ALDH8A1: variants seen among roughly 807,000 people sequenced by gnomAD.
The protein encoded by ALDH8A1 is 2-aminomuconic semialdehyde dehydrogenase.
A neutral mutation model predicts 43.3 loss-of-function variants in ALDH8A1; 39 were observed. The observed-to-expected ratio is 0.90, with a 90% CI of 0.70 to 1.18. The LOEUF (loss-of-function observed/expected upper bound fraction) is 1.18. Ranked by LOEUF, ALDH8A1 falls within the 50% of genes most tolerant of loss-of-function variation. The probability of loss-of-function intolerance (pLI) is 0.00; values close to 1 mark genes in which losing one functional copy is unlikely to be tolerated. For synonymous variants in ALDH8A1, 233 were observed against 243.5 expected (o/e 0.96, Z 0.40); for missense variants, 605 against 622.6 (o/e 0.97, Z 0.30).
Position 134,918,473 on chromosome 6 carries a change from C to A in ALDH8A1, c.1406G>T (p.Gly469Val). The A allele has an allele frequency of 6.2e-7, 1 of 1,614,176 alleles. No individual in the cohort carries two copies. Among genetic ancestry groups the A allele is most frequent in the South Asian group, 1.1e-5 (1 of 91,074 alleles). ...GAAGAAGTCGTAAGAGTCCTTGGCT[C>A]CCTCTCTACCTATTCCAGAACTCTT... ...GMKSSGIGREGAKDSYDFFTE... is the reference protein window; with the variant it reads ...GMKSSGIGREVAKDSYDFFTE... The change falls in exon 7 of 7, where the codon GGA becomes GTA. Residue 469 changes from glycine to valine, a missense_variant. Physicochemically the swap from Gly to Val is moderately radical, Grantham distance 109 (BLOSUM62 -3). Transcript: ENST00000265605.
At chr6:134,918,920 A>G in intron 6 of ALDH8A1, 53 bp from the exon 7 acceptor site, 2 of 1,552,434 alleles carry the variant, frequency 1.3e-6, no homozygotes, top group Non-Finnish European at 1.8e-6. Flanking sequence ...GCTTCACACA[A>G]ATCAGCAGAA....
intron 4 of ALDH8A1, among the ~76,000 whole-genome samples, chr6:134,935,729 C>T (rs1349917402): frequency 2.0e-5 from 3 of 152,148 alleles, no homozygotes; most frequent in African/African-American, 7.2e-5. Context: ...AAACATACTC[C>T]TTTGGATACA....
At chr6:134,923,032 T>C (rs1042450587) in intron 6 of ALDH8A1, among the ~76,000 whole-genome samples, 5 of 152,138 alleles carry the variant, frequency 3.3e-5, no homozygotes, top group Non-Finnish European at 7.3e-5. Context: ...AGTAGAAGGA[T>C]TATTTTATTT....
Position 134,918,235 on chromosome 6 carries a change from A to G in ALDH8A1, c.*180T>C. ...AGTCTTTTTTTCCGAGTCCACATTG[A>G]AAATAGACAGTATCTCTTCACTAGT... On this transcript the variant is annotated 3_prime_UTR_variant, in exon 7 of 7. Transcript: ENST00000265605. The G allele has an allele frequency of 1.6e-6, 1 of 617,024 alleles. No individual in the cohort carries two copies. The highest frequency in any genetic ancestry group is 2.8e-6 in the Non-Finnish European group (1 of 357,886). The allele number at this position is 617,024 out of a possible 1,614,324, so 38.2% of individuals were successfully genotyped here. A position where few individuals can be genotyped will look rare whatever the true frequency, so the allele number is the denominator to read the frequency against.
chr6:134,939,168 T>A (rs776682711), intron 4 of ALDH8A1, 98 bp downstream of exon 4: 6 of 1,521,624 alleles, frequency 3.9e-6, no homozygotes, highest in Non-Finnish European at 5.4e-6. Flanking sequence ...AAGCCCATGA[T>A]GTCACTGGAA....
chr6:134,941,568 T>C (rs947190108), intron 3 of ALDH8A1: 1 of 152,252 alleles, frequency 6.6e-6, no homozygotes, highest in Non-Finnish European at 1.5e-5. Context: ...TTTTGTATTT[T>C]TAGTAGAGAT....
intron 4 of ALDH8A1, among the ~76,000 whole-genome samples, chr6:134,935,485 C>G (rs977572056): frequency 6.6e-6 from 1 of 152,196 alleles, no homozygotes; most frequent in East Asian, 1.9e-4. Flanking sequence ...AATGGGGAAG[C>G]TTTAAAAAGA....
rs767279629 is a variant in ALDH8A1 at position 134,918,777 on chromosome 6, G to T, written c.1102C>A (p.Gln368Lys). ...GTGGGAAGCATAAAGTAGCCTGCCT[G>T]GTTCCTGGCAGGGAGGCTCAACTTA... ...VDKLSLPARN[Q>K]AGYFMLPTVI... The change falls in exon 7 of 7, where the codon CAG (glutamine) becomes AAG (lysine). Residue 368 changes from glutamine (Q) to lysine (K), a missense_variant. By Grantham distance (53) the Gln-to-Lys change is moderately conservative (BLOSUM62 1). Transcript: ENST00000265605. 1.7e-5 allele frequency: 28 copies of T among 1,614,064 alleles called. No individual in the cohort carries two copies. The highest frequency in any genetic ancestry group is 2.0e-5 in the Non-Finnish European group (24 of 1,180,048).
At chr6:134,936,357 C>A (rs548483470) in intron 4 of ALDH8A1, among the ~76,000 whole-genome samples, 1 of 152,196 alleles carries the variant, frequency 6.6e-6, no homozygotes, top group Non-Finnish European at 1.5e-5. Flanking sequence ...GAGTGGCTGG[C>A]ACCATGTGAG....
At chr6:134,932,728 G>A (rs370897781) in intron 5 of ALDH8A1, 48 bp downstream of exon 5, 6 of 1,594,126 alleles carry the variant, frequency 3.8e-6, no homozygotes, top group African/African-American at 1.3e-5. Flanking sequence ...AACAGATCCA[G>A]CTTGACAGGG....
intron 6 of ALDH8A1, among the ~76,000 whole-genome samples, chr6:134,919,583 TTA>T (rs1002815881): frequency 9.2e-5 from 14 of 152,140 alleles, no homozygotes; most frequent in African/African-American, 3.4e-4. Flanking sequence ...CTCATAATAA[TTA>T]TATATATATA....
chr6:134,940,947 T>C (rs2114703986), intron 3 of ALDH8A1, among the ~76,000 whole-genome samples: 1 of 152,242 alleles, frequency 6.6e-6, no homozygotes, highest in East Asian at 1.9e-4. Flanking sequence ...AGCAATGAGA[T>C]GTCCCAATTG....
At chr6:134,925,766 C>G (rs1348182595) in intron 6 of ALDH8A1, among the ~76,000 whole-genome samples, 2 of 152,084 alleles carry the variant, frequency 1.3e-5, no homozygotes, top group Non-Finnish European at 2.9e-5. Flanking sequence ...AAAAATAAAG[C>G]TCCAAAGAAG....
intron 1 of ALDH8A1, among the ~76,000 whole-genome samples, chr6:134,949,411 T>C (rs1774005347): frequency 6.6e-6 from 1 of 152,246 alleles, no homozygotes; most frequent in Non-Finnish European, 1.5e-5. Flanking sequence ...AGTTTCATCA[T>C]TCAAATGATT....
chr6:134,933,802 A>G (rs1010290927), intron 4 of ALDH8A1, among the ~76,000 whole-genome samples: 3 of 152,036 alleles, frequency 2.0e-5, no homozygotes, highest in Admixed American at 6.5e-5. Context: ...TCTGCCTCCC[A>G]GGTTCAAGAG....
At position 134,940,225 on chromosome 6, in the gene ALDH8A1, C is replaced by CA. The variant is rs201507297; in HGVS notation, c.443-811dup. ...GTCCTGCACGTGTACCCTGGAACTTCAAAAAAAAATAAAAAATAAAAAAAC... is the reference window on the plus strand; with the variant it reads ...GTCCTGCACGTGTACCCTGGAACTTCAAAAAAAAAATAAAAAATAAAAAAAC... On this transcript the variant is annotated intron_variant, in intron 3 of 6. Transcript: ENST00000265605. 1,151 of 339,682 alleles carry CA rather than the reference C, an allele frequency of 3.4e-3. 3 individuals carry two copies. Among genetic ancestry groups the CA allele is most frequent in the African/African-American group, 0.012 (550 of 45,144 alleles). 21.0% of individuals were successfully genotyped at this position (339,682 alleles called of 1,614,324 possible). A position where few individuals can be genotyped will look rare whatever the true frequency, so the allele number is the denominator to read the frequency against.
intron 4 of ALDH8A1, among the ~76,000 whole-genome samples, chr6:134,938,748 T>A (rs995059150): frequency 6.6e-6 from 1 of 152,004 alleles, no homozygotes; most frequent in Non-Finnish European, 1.5e-5. Context: ...CCTGGGTTCA[T>A]GCCATTCTCC....
intron 1 of ALDH8A1, chr6:134,944,242 A>C: frequency 3.3e-6 from 1 of 302,002 alleles, no homozygotes; most frequent in Non-Finnish European, 6.2e-6. Flanking sequence ...TAATTTTTGT[A>C]TTTTTTAGTA....
intron 4 of ALDH8A1, among the ~76,000 whole-genome samples, chr6:134,933,376 CACTAGGGGAGCAGCACCCT>C (rs1773662592): frequency 6.6e-6 from 1 of 152,126 alleles, no homozygotes; most frequent in Non-Finnish European, 1.5e-5. Flanking sequence ...AGGTCAAGCC[CACTAGGGGAGCAGCACCCT>C]GCTCCATCTT....
Sources: allele counts gnomAD v4.1 joint callset (sites outside exome capture counted in the v4.1 genomes callset), GRCh38; gene constraint gnomAD v4.1.1; transcripts MANE v1.5; gene names NCBI Gene and HGNC (gene_info 2026-07-23, HGNC 2026-07-21).